The following IGSF10 variants were observed in gnomAD, a reference collection of about 807,000 sequenced individuals.
IGSF10 encodes calvaria mechanical force protein 608.
Under a neutral mutation model 128.2 loss-of-function variants are expected in IGSF10, and 126 were observed. The ratio of observed to expected loss-of-function variants is 0.98; its 90% confidence interval spans 0.85 to 1.14. The LOEUF (loss-of-function observed/expected upper bound fraction) is 1.14, where lower values mean the gene tolerates loss of function less well. Among genes scored for constraint, IGSF10 ranks in the 50% most tolerant of loss-of-function variants. The pLI, the probability that IGSF10 is intolerant of heterozygous loss-of-function variation, is 0.00. For synonymous variants in IGSF10, 1,185 were observed against 1,146.2 expected, an observed-to-expected ratio of 1.03 and a Z score of -0.68; for missense variants, 3,295 against 3,149.8, an observed-to-expected ratio of 1.05 and a Z score of -1.10.
the IGSF10 span, among the ~76,000 whole-genome samples, chr3:151,567,737 A>G: frequency 6.6e-6 from 1 of 152,226 alleles, no homozygotes; most frequent in East Asian, 1.9e-4. Context: ...CCTACACCCC[A>G]GAGCCTGCTG....
chr3:151,448,774 T>C lies in IGSF10; in HGVS notation c.1207A>G (p.Lys403Glu), dbSNP rs781518013. ...GGCTTAGGAGCCACCTGTTTATATT[T>C]GTAATAGAGCTGCGGTGTTTCACTA... is the stretch of plus-strand genomic sequence containing the variant. ...LLSETPQLYY[K>E]YKQVAPKPED... The change falls in exon 6 of 8, where the codon AAA becomes GAA. Residue 403 changes from lysine to glutamate, a missense_variant. By Grantham distance (56) the Lys-to-Glu change is moderately conservative. Coordinates refer to ENST00000282466, the MANE Select transcript of IGSF10 (RefSeq NM_178822.5). 1 of 1,613,746 alleles carries C rather than the reference T, an allele frequency of 6.2e-7. No homozygotes were observed. The highest frequency in any genetic ancestry group is 8.5e-7 in the Non-Finnish European group (1 of 1,179,650).
the IGSF10 span, among the ~76,000 whole-genome samples, chr3:151,473,930 G>A: frequency 6.6e-6 from 1 of 151,912 alleles, no homozygotes; most frequent in African/African-American, 2.4e-5. Flanking sequence ...CTTTGAAAAA[G>A]ATAAGGATAA....
At position 151,449,049 on chromosome 3, in the gene IGSF10, G is replaced by A. The variant is rs141320086; in HGVS notation, c.932C>T (p.Ala311Val). The change falls in exon 6 of 8, where the codon GCA (alanine) becomes GTA (valine). Residue 311 changes from alanine to valine, a missense_variant. Coordinates refer to ENST00000282466, the MANE Select transcript of IGSF10 (RefSeq NM_178822.5). ...ATTCAAAGTGAGGGAGCCAAAGGGT[G>A]CCATGAAACCTTGGGGAGAGATGAA... ...SAFISPQGFMAPFGSLTLNMT... is the reference protein window; with the variant it reads ...SAFISPQGFMVPFGSLTLNMT... 7 of 1,614,204 alleles carry A rather than the reference G, an allele frequency of 4.3e-6. No homozygotes were observed. The highest frequency in any genetic ancestry group is 5.9e-6 in the Non-Finnish European group (7 of 1,180,028).
chr3:151,436,002 A>T (rs538200270), downstream of IGSF10: 1 of 152,312 alleles, frequency 6.6e-6, no homozygotes, highest in Non-Finnish European at 1.5e-5. Flanking sequence ...GTATTTTTAA[A>T]ACCTTTTTAA....
chr3:151,523,549 C>CA, the IGSF10 span, among the ~76,000 whole-genome samples: 1 of 152,060 alleles, frequency 6.6e-6, no homozygotes, highest in African/African-American at 2.4e-5. Flanking sequence ...ACAAAGCTGA[C>CA]AAAAACAACC....
At chr3:151,500,433 T>A in the IGSF10 span, among the ~76,000 whole-genome samples, 1 of 152,174 alleles carries the variant, frequency 6.6e-6, no homozygotes, top group Non-Finnish European at 1.5e-5. Context: ...AATTTTATTT[T>A]GGGGCAGCAA....
At chr3:151,503,240 A>T in the IGSF10 span, among the ~76,000 whole-genome samples, 16 of 152,162 alleles carry the variant, frequency 1.1e-4, no homozygotes, top group Admixed American at 7.9e-4. Flanking sequence ...TGTCAAAGAT[A>T]ATCAGGCCCA....
the IGSF10 span, among the ~76,000 whole-genome samples, chr3:151,535,534 C>A: frequency 6.6e-6 from 1 of 152,062 alleles, no homozygotes; most frequent in Non-Finnish European, 1.5e-5. Context: ...TACCCTAAAC[C>A]CCACCATCAC....
At chr3:151,614,056 A>T in the IGSF10 span, among the ~76,000 whole-genome samples, 8 of 152,222 alleles carry the variant, frequency 5.3e-5, no homozygotes, top group African/African-American at 1.9e-4. Context: ...TGCAGGCAAA[A>T]AACACATGAA....
At chr3:151,578,991 C>T in the IGSF10 span, among the ~76,000 whole-genome samples, 1 of 152,134 alleles carries the variant, frequency 6.6e-6, no homozygotes, top group African/African-American at 2.4e-5. Flanking sequence ...TTGTGTCAGT[C>T]TATCAATGGG....
At position 151,445,474 on chromosome 3, in the gene IGSF10, C is replaced by T; in HGVS notation, c.4507G>A (p.Val1503Ile). The stretch of plus-strand genomic sequence containing the variant: ...TGCCTTGAGGATTCGTGCAGCTTGA[C>T]CACTGTATTTGTCATAAGCCCGGAA... Reference protein sequence around the residue: ...PISGLMTNTVVKLHESSRHNA... With the variant: ...PISGLMTNTVIKLHESSRHNA... Residue 1503 changes from valine to isoleucine, a missense_variant, in exon 6 of 8, where the codon GTC becomes ATC. By Grantham distance (29) the Val-to-Ile change is conservative. Transcript: ENST00000282466. 6.2e-7 allele frequency: 1 copy of T among 1,614,148 alleles called. No individual in the cohort carries two copies. Among genetic ancestry groups the T allele is most frequent in the Non-Finnish European group, 8.5e-7 (1 of 1,180,032 alleles).
chr3:151,591,529 G>A, the IGSF10 span, among the ~76,000 whole-genome samples: 1 of 150,178 alleles, frequency 6.7e-6, no homozygotes, highest in South Asian at 2.1e-4. Context: ...AAGGCACCAT[G>A]CTGAAAGTTG....
chr3:151,596,382 G>C, the IGSF10 span, among the ~76,000 whole-genome samples: 6 of 152,024 alleles, frequency 3.9e-5, no homozygotes, highest in African/African-American at 1.4e-4. Context: ...CTTGACAAAG[G>C]ATAAACAAAA....
At chr3:151,559,856 G>T in the IGSF10 span, among the ~76,000 whole-genome samples, 1 of 152,122 alleles carries the variant, frequency 6.6e-6, no homozygotes, top group Non-Finnish European at 1.5e-5. Flanking sequence ...TTCTTAGGGG[G>T]TGGAGCAGTT....
chr3:151,523,587 A>G, the IGSF10 span, among the ~76,000 whole-genome samples: 4 of 152,200 alleles, frequency 2.6e-5, no homozygotes, highest in African/African-American at 9.7e-5. Context: ...TATTCAATAA[A>G]TGGTGCTGGG....
chr3:151,615,435 C>G, the IGSF10 span, among the ~76,000 whole-genome samples: 2 of 151,968 alleles, frequency 1.3e-5, no homozygotes, highest in Non-Finnish European at 2.9e-5. Context: ...TACTTTTCTC[C>G]TATATTGTTC....
At chr3:151,476,442 A>C in the IGSF10 span, among the ~76,000 whole-genome samples, 2 of 152,100 alleles carry the variant, frequency 1.3e-5, no homozygotes, top group East Asian at 3.9e-4. Context: ...AGTCTCCTAT[A>C]AACAGGAAGC....
At chr3:151,458,856 T>G (rs1721928519) in intron 2 of IGSF10, 146 bp from the exon 3 acceptor site, 1 of 617,992 alleles carries the variant, frequency 1.6e-6, no homozygotes, top group Non-Finnish European at 2.8e-6. Context: ...TCATATGCAC[T>G]CTTTACAAAA....
At chr3:151,451,999 G>T (rs1189351955) in intron 5 of IGSF10, among the ~76,000 whole-genome samples, 1 of 152,166 alleles carries the variant, frequency 6.6e-6, no homozygotes. Flanking sequence ...CAAAAGGATT[G>T]CCTACCACAT....
Sources: gnomAD v4.1 joint callset for allele counts (sites outside exome capture counted in the v4.1 genomes callset) on GRCh38, gnomAD v4.1.1 for gene constraint, MANE v1.5 for transcripts, NCBI Gene and HGNC (gene_info 2026-07-23, HGNC 2026-07-21) for gene names.